The following CDYL variants were observed in gnomAD, a reference collection of about 807,000 sequenced individuals.
CDYL encodes the protein chromodomain Y-like protein.
A neutral mutation model predicts 47.3 loss-of-function variants in CDYL; 8 were observed. The ratio of observed to expected loss-of-function variants is 0.17; its 90% CI spans 0.10 to 0.31. CDYL has a LOEUF of 0.31. Ranked by LOEUF, CDYL falls within the 10% of genes least tolerant of loss-of-function variation. The pLI, the probability that CDYL is intolerant of heterozygous loss-of-function variation, is 1.00. For missense variants in CDYL, 471 were observed against 701.4 expected (o/e 0.67, Z 3.71); for synonymous variants, 266 against 265.0 (o/e 1.00, Z -0.04).
At chr6:4,718,335 G>A (rs1244627513) in intron 2 of CDYL, among the ~76,000 whole-genome samples, 2 of 152,064 alleles carry the variant, frequency 1.3e-5, no homozygotes, top group African/African-American at 4.8e-5. Context: ...CTGGAATGCA[G>A]TGGCACGATC....
At chr6:4,731,345 T>G (rs1328007154) in intron 2 of CDYL, among the ~76,000 whole-genome samples, 1 of 152,204 alleles carries the variant, frequency 6.6e-6, no homozygotes, top group Non-Finnish European at 1.5e-5. Flanking sequence ...TATTAAAGGG[T>G]GCTAGTGTAT....
chr6:4,894,943 G>GTGTATATGTA (rs1301233969), intron 2 of CDYL, among the ~76,000 whole-genome samples: 611 of 15,348 alleles, frequency 0.04, 1 homozygote, highest in Middle Eastern at 0.083. Context: ...GTGTATATGT[G>GTGTATATGTA]TATGCATGTG....
At chr6:4,791,883 A>ATT (rs35580568) in intron 1 of CDYL, among the ~76,000 whole-genome samples, 37 of 139,944 alleles carry the variant, frequency 2.6e-4, no homozygotes, top group African/African-American at 7.4e-4. Context: ...GAATTGTAGA[A>ATT]TTTTTTTTTT....
intron 1 of CDYL, among the ~76,000 whole-genome samples, chr6:4,886,281 A>G (rs1459467638): frequency 6.6e-6 from 1 of 152,162 alleles, no homozygotes; most frequent in African/African-American, 2.4e-5. Context: ...GCTGGGTCAT[A>G]TGGTAACTCT....
intron 2 of CDYL, among the ~76,000 whole-genome samples, chr6:4,725,605 C>T (rs1051514280): frequency 6.6e-6 from 1 of 152,228 alleles, no homozygotes; most frequent in African/African-American, 2.4e-5. Context: ...GCGGGCGGAC[C>T]TGCCCGCCGA....
At chr6:4,720,509 C>A (rs1757348324) in intron 2 of CDYL, among the ~76,000 whole-genome samples, 1 of 152,086 alleles carries the variant, frequency 6.6e-6, no homozygotes, top group African/African-American at 2.4e-5. Flanking sequence ...TATTAACAAC[C>A]ATTTCCATGA....
chr6:4,818,617 C>G (rs1320002836), intron 1 of CDYL, among the ~76,000 whole-genome samples: 1 of 152,180 alleles, frequency 6.6e-6, no homozygotes, highest in Non-Finnish European at 1.5e-5. Context: ...GGACATTTCT[C>G]TTGTGGGTGC....
At position 4,715,706 on chromosome 6, in the gene CDYL, G is replaced by C. The variant is rs3812181; in HGVS notation, c.-38-35G>C. 4,853 of 1,593,502 alleles carry C rather than the reference G, an allele frequency of 3.0e-3. 90 individuals are homozygous for C. In the Admixed American group the frequency reaches 0.039, roughly 13 times the overall value. On this transcript the variant is annotated intron_variant, in intron 1 of 8. Coordinates refer to the CDYL transcript ENST00000328908. ...AGCCTTGGGTTTTTTCCCATGTACT[G>C]TAGTAAATTCCTCTTGTTGGGATTG... is the stretch of plus-strand genomic sequence containing the variant.
At chr6:4,854,430 CTG>C (rs1406709908) in intron 1 of CDYL, among the ~76,000 whole-genome samples, 1 of 152,236 alleles carries the variant, frequency 6.6e-6, no homozygotes, top group Non-Finnish European at 1.5e-5. Flanking sequence ...GCACAAAGGA[CTG>C]TGTACACCCC....
At chr6:4,917,399 C>T (rs9392068) in intron 2 of CDYL, among the ~76,000 whole-genome samples, 127,380 of 152,160 alleles carry the variant, frequency 0.84, 53,514 homozygotes, top group Admixed American at 0.89. Context: ...GTGGTTCTGC[C>T]GCTAGCTTCT....
In CDYL at chr6:4,739,514, C is replaced by CT. The variant is rs1212881227; in HGVS notation, c.186+4671dup. Among the ~76,000 whole-genome samples, 111 of 131,550 alleles carry CT rather than the reference C, an allele frequency of 8.4e-4. 1 individual carries two copies. The highest frequency in any genetic ancestry group is 2.5e-3 in the African/African-American group (90 of 35,926). 86.3% of individuals were successfully genotyped at this position (131,550 alleles called of 152,430 possible). ...CAGCCTGGGTGACAAGAGTAAAACTCTGACTCAAAAAAAAAAAAAAAAGTT... is the reference window on the plus strand; with the variant it reads ...CAGCCTGGGTGACAAGAGTAAAACTCTTGACTCAAAAAAAAAAAAAAAAGTT... On this transcript the variant is annotated intron_variant, in intron 3 of 8. Transcript: ENST00000328908.
At chr6:4,860,043 A>G (rs1761119109) in intron 1 of CDYL, among the ~76,000 whole-genome samples, 1 of 151,324 alleles carries the variant, frequency 6.6e-6, no homozygotes, top group South Asian at 2.1e-4. Flanking sequence ...CTGGGACCAC[A>G]GGCGCCCGCC....
At chr6:4,950,996 TCTGC>T in intron 5 of CDYL, among the ~76,000 whole-genome samples, 1 of 151,314 alleles carries the variant, frequency 6.6e-6, no homozygotes, top group Admixed American at 6.6e-5. Flanking sequence ...TTTTCCAGCC[TCTGC>T]CTGCATGGGA....
Position 4,900,537 on chromosome 6 carries a change from A to G in CDYL, c.691+8158A>G, listed in dbSNP as rs539052949. ...AGTCGGCAACTTGCTATTGTAAACG[A>G]TAAAACACAAGGCCTGTAATTGATT... On this transcript the variant is annotated intron_variant, in intron 2 of 6. Transcript: ENST00000397588. Among the ~76,000 whole-genome samples the G allele has an allele frequency of 3.9e-5, 6 of 152,086 alleles. No homozygotes were observed. The East Asian group carries it at 1.2e-3, about 30-fold the overall frequency.
chr6:4,712,677 AGAG>A (rs1429483349), intron 1 of CDYL, among the ~76,000 whole-genome samples: 1 of 152,318 alleles, frequency 6.6e-6, no homozygotes, highest in African/African-American at 2.4e-5. Context: ...CTAGTCCCCA[AGAG>A]GAGATTCGGA....
chr6:4,818,488 C>T lies in CDYL; in HGVS notation c.24+41681C>T, dbSNP rs61010847. The stretch of plus-strand genomic sequence containing the variant: ...CAGTCTTTGCCCTTAGTTGATTGTG[C>T]GGACCTTGGGGGTGTTAGAATTTTC... On this transcript the variant is annotated intron_variant, in intron 1 of 6. Transcript: ENST00000397588. 8.4e-3 allele frequency among the ~76,000 whole-genome samples: 1,282 copies of T among 152,128 alleles called. 16 individuals are homozygous for T. The highest frequency in any genetic ancestry group is 0.029 in the African/African-American group (1,218 of 41,486).
chr6:4,944,431 C>T (rs896625015), intron 5 of CDYL, among the ~76,000 whole-genome samples: 7 of 152,156 alleles, frequency 4.6e-5, no homozygotes, highest in Admixed American at 2.6e-4. Context: ...GTGGGATGTG[C>T]GGGAAGCGTT....
At chr6:4,824,801 C>T (rs964485371) in intron 1 of CDYL, among the ~76,000 whole-genome samples, 2 of 151,930 alleles carry the variant, frequency 1.3e-5, no homozygotes, top group Non-Finnish European at 2.9e-5. Context: ...ATTGTTTTGA[C>T]TTTCTGGGAC....
intron 1 of CDYL, among the ~76,000 whole-genome samples, chr6:4,830,554 T>C (rs922980858): frequency 8.5e-5 from 13 of 152,218 alleles, no homozygotes; most frequent in Non-Finnish European, 1.3e-4. Context: ...AACTTTGAAA[T>C]ATGTTATTCA....
Sources: allele counts gnomAD v4.1 joint callset (sites outside exome capture counted in the v4.1 genomes callset), GRCh38; gene constraint gnomAD v4.1.1; transcripts MANE v1.5; gene names NCBI Gene and HGNC (gene_info 2026-07-23, HGNC 2026-07-21).